C4orf36: variants seen among roughly 807,000 people sequenced by gnomAD.
C4orf36 encodes the protein uncharacterized protein C4orf36.
C4orf36 carries 11 observed loss-of-function variants against 12.2 expected under a neutral mutation model. The observed-to-expected ratio is 0.90, with a 90% CI of 0.57 to 1.49. The LOEUF is 1.49. C4orf36 is among the 40% of genes most tolerant of loss of function. The pLI, the probability that C4orf36 is intolerant of heterozygous loss-of-function variation, is 0.00. For missense variants in C4orf36, 137 were observed against 133.9 expected, an observed-to-expected ratio of 1.02 and a Z score of -0.11; for synonymous variants, 54 against 51.3, an observed-to-expected ratio of 1.05 and a Z score of -0.22.
intron 4 of C4orf36, among the ~76,000 whole-genome samples, chr4:86,879,086 T>C (rs1746987595): frequency 6.6e-6 from 1 of 152,166 alleles, no homozygotes; most frequent in Non-Finnish European, 1.5e-5. Flanking sequence ...TTGGTTTTTT[T>C]GTTTGTTTTT....
chr4:86,890,565 C>T (rs1043169448), intron 2 of C4orf36, among the ~76,000 whole-genome samples: 4 of 151,936 alleles, frequency 2.6e-5, no homozygotes, highest in South Asian at 2.1e-4. Flanking sequence ...GGTCTAAATA[C>T]GTACTAAACT....
the C4orf36 span, among the ~76,000 whole-genome samples, chr4:86,899,291 G>A: frequency 6.6e-6 from 1 of 151,944 alleles, no homozygotes; most frequent in Admixed American, 6.6e-5. Flanking sequence ...CAATCTCTGT[G>A]CTTTTAATTA....
the C4orf36 span, among the ~76,000 whole-genome samples, chr4:86,920,739 TAAC>T: frequency 2.6e-5 from 4 of 152,204 alleles, no homozygotes; most frequent in Non-Finnish European, 5.9e-5. Flanking sequence ...ACTCCTTTGA[TAAC>T]AACATTAATC....
the C4orf36 span, chr4:86,914,311 C>A: frequency 6.3e-7 from 1 of 1,593,170 alleles, no homozygotes; most frequent in African/African-American, 1.3e-5. Context: ...CTCTTGGGAG[C>A]CCAGTCAATA....
the C4orf36 span, among the ~76,000 whole-genome samples, chr4:86,917,855 A>G: frequency 8.3e-6 from 1 of 120,944 alleles, no homozygotes; most frequent in Non-Finnish European, 1.9e-5. Flanking sequence ...TGTACTGAAT[A>G]CTATTGGCAG....
Position 86,892,208 on chromosome 4 carries a change from G to C in C4orf36, c.-99C>G. The C allele has an allele frequency of 1.0e-6, 1 of 985,596 alleles. No homozygotes were observed. The highest frequency in any genetic ancestry group is 1.2e-6 in the Non-Finnish European group (1 of 830,074). 61.1% of individuals were successfully genotyped at this position (985,596 alleles called of 1,614,324 possible). On this transcript the variant is annotated 5_prime_UTR_variant, in exon 1 of 5. Transcript: ENST00000295898. ...CTGGGCCCCACCCTGCCTCCGACTC[G>C]CCAGGAATGCGCTGTGTGCGCGGGG...
intron 1 of C4orf36, 78 bp downstream of exon 1, chr4:86,892,105 C>T: frequency 1.0e-6 from 1 of 985,754 alleles, no homozygotes; most frequent in Non-Finnish European, 1.2e-6. Context: ...GAACTGGTTC[C>T]CGGGACGGGT....
the C4orf36 span, among the ~76,000 whole-genome samples, chr4:86,911,410 C>T: frequency 6.6e-6 from 1 of 152,202 alleles, no homozygotes; most frequent in Non-Finnish European, 1.5e-5. Context: ...AGATCTGCTA[C>T]CTCAAATTGT....
the C4orf36 span, chr4:86,913,214 CCA>C: frequency 4.7e-5 from 23 of 493,620 alleles, no homozygotes; most frequent in Admixed American, 5.3e-4. Flanking sequence ...CTGTGATCTT[CCA>C]CAGTTTGTTG....
the C4orf36 span, among the ~76,000 whole-genome samples, chr4:86,919,154 C>A: frequency 8.2e-4 from 119 of 145,946 alleles, 3 homozygotes; most frequent in East Asian, 0.021. Flanking sequence ...GAGAGAAATC[C>A]TTTTCTCTCC....
At chr4:86,887,551 T>G (rs1578777391) in intron 4 of C4orf36, 1 of 476,898 alleles carries the variant, frequency 2.1e-6, no homozygotes, top group East Asian at 3.1e-5. Flanking sequence ...CTACTTACAG[T>G]GCTGTCGTTT....
the C4orf36 span, among the ~76,000 whole-genome samples, chr4:86,920,717 A>G: frequency 6.6e-6 from 1 of 152,190 alleles, no homozygotes; most frequent in Admixed American, 6.5e-5. Context: ...CCACTCCCTC[A>G]ATAACTAACA....
the C4orf36 span, among the ~76,000 whole-genome samples, chr4:86,898,719 G>C: frequency 3.9e-5 from 6 of 151,960 alleles, no homozygotes; most frequent in African/African-American, 1.5e-4. Flanking sequence ...TGAGGCGAGA[G>C]AATTGTTTGA....
chr4:86,891,414 G>A, intron 2 of C4orf36, 42 bp downstream of exon 2: 1 of 1,570,358 alleles, frequency 6.4e-7, no homozygotes, highest in Non-Finnish European at 8.6e-7. Flanking sequence ...CCCCACCGCA[G>A]TCAATGCTTA....
rs1235684859 is a variant in C4orf36 at position 86,891,599 on chromosome 4, A to G, written c.-73-6T>C. ...GATAACTCTGTTCACTTTACCTGAA[A>G]TGATGGCAACGCACCTAATTAATGC... On this transcript the variant is annotated splice_region_variant and splice_polypyrimidine_tract_variant and intron_variant, in intron 1 of 4. Coordinates refer to ENST00000295898, the MANE Select transcript of C4orf36 (RefSeq NM_144645.4). The G allele has an allele frequency of 4.4e-6, 7 of 1,604,582 alleles. No homozygotes were observed. The African/African-American group carries it at 6.7e-5, about 15-fold the overall frequency.
chr4:86,913,562 T>A, the C4orf36 span: 1 of 1,115,324 alleles, frequency 9.0e-7, no homozygotes. Context: ...TGGGCAGCAG[T>A]CATGGCCAGC....
At chr4:86,876,546 A>G (rs1191849524) in intron 4 of C4orf36, 103 bp from the exon 5 acceptor site, 1 of 1,613,882 alleles carries the variant, frequency 6.2e-7, no homozygotes, top group African/African-American at 1.3e-5. Context: ...GCTATTGTAC[A>G]GTTTACAAGG....
the C4orf36 span, among the ~76,000 whole-genome samples, chr4:86,903,487 G>A: frequency 2.0e-5 from 3 of 152,218 alleles, no homozygotes; most frequent in Admixed American, 2.0e-4. Context: ...CAGCGCATCT[G>A]GAATTGTTCA....
chr4:86,905,027 G>C, the C4orf36 span, among the ~76,000 whole-genome samples: 1 of 151,610 alleles, frequency 6.6e-6, no homozygotes, highest in Non-Finnish European at 1.5e-5. Context: ...CTTGAGCCCA[G>C]GAGTTCGAGA....
Sources: gnomAD v4.1 joint callset for allele counts (sites outside exome capture counted in the v4.1 genomes callset) on GRCh38, gnomAD v4.1.1 for gene constraint, MANE v1.5 for transcripts, NCBI Gene and HGNC (gene_info 2026-07-23, HGNC 2026-07-21) for gene names.